The following CTSB variants were observed in gnomAD, a reference collection of about 807,000 sequenced individuals.
The protein encoded by CTSB is cathepsin B.
In CTSB, 57 loss-of-function variants were observed where a neutral mutation model predicts 44.3. That is an observed-to-expected ratio of 1.29 (90% CI 1.04 to 1.60). The LOEUF (loss-of-function observed/expected upper bound fraction) is 1.60. CTSB is among the 40% of genes most tolerant of loss of function. The probability of loss-of-function intolerance (pLI) is 0.00; values close to 1 mark genes in which losing one functional copy is unlikely to be tolerated. For missense variants in CTSB, 768 were observed against 443.0 expected (o/e 1.73, Z -6.59); for synonymous variants, 320 against 168.0 (o/e 1.91, Z -7.00).
At chr8:11,865,109 A>G (rs1197293120) in intron 1 of CTSB, among the ~76,000 whole-genome samples, 1 of 152,184 alleles carries the variant, frequency 6.6e-6, no homozygotes, top group Non-Finnish European at 1.5e-5. Flanking sequence ...TCCCAGAGGC[A>G]CAGCACATCT....
rs12338 is a variant in CTSB at position 11,853,379 on chromosome 8, G to T, written c.76C>A (p.Leu26Met). ...NARSRPSFHP[L>M]SDELVNYVNK... is the part of the protein sequence containing the mutation. ...ACATAGTTGACCAGCTCATCCGACA[G>T]GGGATGGAAAGAGGGCCTGCTCCGG... Residue 26 changes from leucine to methionine, a missense_variant, in exon 2 of 10, where the codon CTG becomes ATG. Leu to Met is a conservative substitution (Grantham distance 15). Transcript: ENST00000353047. The T allele has an allele frequency of 2.2e-5, 35 of 1,611,966 alleles. No homozygotes were observed. The Admixed American group carries it at 2.8e-4, about 13-fold the overall frequency.
intron 2 of CTSB, 23 bp from the exon 3 acceptor site, chr8:11,852,718 C>T: frequency 6.2e-7 from 1 of 1,609,684 alleles, no homozygotes; most frequent in Non-Finnish European, 8.5e-7. Flanking sequence ...CACCCACTGA[C>T]TGAAGGGTCT....
chr8:11,864,198 G>A (rs913887527), intron 1 of CTSB, among the ~76,000 whole-genome samples: 3 of 151,808 alleles, frequency 2.0e-5, no homozygotes, highest in African/African-American at 7.3e-5. Flanking sequence ...AGGCCTGGAG[G>A]TGACTCATGC....
intron 8 of CTSB, among the ~76,000 whole-genome samples, chr8:11,846,787 G>T (rs1692813): frequency 0.22 from 32,818 of 152,040 alleles, 3,788 homozygotes; most frequent in Middle Eastern, 0.27. Context: ...TGAGCTGGAC[G>T]CTAATGGATG....
intron 3 of CTSB, among the ~76,000 whole-genome samples, chr8:11,851,933 C>A (rs1814659340): frequency 6.6e-6 from 1 of 152,206 alleles, no homozygotes; most frequent in South Asian, 2.1e-4. Context: ...TCCCAAAGTG[C>A]TGGGATTACA....
intron 3 of CTSB, among the ~76,000 whole-genome samples, chr8:11,852,266 G>A (rs376506039): frequency 6.6e-6 from 1 of 152,104 alleles, no homozygotes; most frequent in African/African-American, 2.4e-5. Flanking sequence ...AGCTACTCAG[G>A]AGGCTGTGGC....
At chr8:11,852,736 T>C (rs1477723478) in intron 2 of CTSB, 41 bp from the exon 3 acceptor site, 50 of 1,565,918 alleles carry the variant, frequency 3.2e-5, no homozygotes, top group Non-Finnish European at 3.9e-5. Context: ...TCTCCCGGGA[T>C]GGCGGTGGAT....
At chr8:11,846,359 A>G (rs566054387) in intron 8 of CTSB, 2 of 152,406 alleles carry the variant, frequency 1.3e-5, no homozygotes, top group East Asian at 3.9e-4. Flanking sequence ...CTATGCTAAG[A>G]AGTGCCATCT....
At position 11,848,165 on chromosome 8, in the gene CTSB, C is replaced by T; in HGVS notation, c.447-13G>A. ...GCCACCATTACAGCTGAAAAGACAG[C>T]CTCTAATGAAAACCTCTGAGAGAAG... On this transcript the variant is annotated splice_polypyrimidine_tract_variant and intron_variant, in intron 5 of 9. Transcript: ENST00000353047. 1.2e-6 allele frequency: 2 copies of T among 1,611,948 alleles called. No individual in the cohort carries two copies. Among genetic ancestry groups the T allele is most frequent in the Non-Finnish European group, 1.7e-6 (2 of 1,178,002 alleles).
At chr8:11,851,226 G>C (rs1440807357) in intron 3 of CTSB, among the ~76,000 whole-genome samples, 1 of 152,086 alleles carries the variant, frequency 6.6e-6, no homozygotes, top group African/African-American at 2.4e-5. Context: ...ATTTCACTGT[G>C]TCATCCAGGC....
chr8:11,855,986 C>G (rs972162594), intron 1 of CTSB, among the ~76,000 whole-genome samples: 1 of 152,062 alleles, frequency 6.6e-6, no homozygotes, highest in Non-Finnish European at 1.5e-5. Flanking sequence ...CAAGATTTCA[C>G]CACTGCATTC....
At chr8:11,866,369 G>A (rs910676492) in intron 1 of CTSB, among the ~76,000 whole-genome samples, 1 of 152,244 alleles carries the variant, frequency 6.6e-6, no homozygotes, top group Admixed American at 6.5e-5. Flanking sequence ...TGCCAGGGCC[G>A]TGTCTGGCCT....
chr8:11,846,486 G>T (rs1330656138), intron 8 of CTSB: 3 of 152,714 alleles, frequency 2.0e-5, no homozygotes, highest in Non-Finnish European at 4.4e-5. Context: ...TGTTCATCTG[G>T]AGCAAGGGAT....
intron 1 of CTSB, 38 bp from the exon 2 acceptor site, chr8:11,853,517 AT>A: frequency 6.4e-7 from 1 of 1,569,400 alleles, no homozygotes; most frequent in Non-Finnish European, 8.6e-7. Flanking sequence ...CCTCTCTGTT[AT>A]GTGGGTCGAG....
At chr8:11,862,487 G>A (rs570496764) in intron 1 of CTSB, 1 of 152,328 alleles carries the variant, frequency 6.6e-6, no homozygotes, top group Non-Finnish European at 1.5e-5. Flanking sequence ...TCCTAATTTG[G>A]ATGAAAAATA....
At chr8:11,853,274 T>A in intron 2 of CTSB, 55 bp downstream of exon 2, 1 of 1,600,258 alleles carries the variant, frequency 6.2e-7, no homozygotes, top group South Asian at 1.1e-5. Flanking sequence ...CTGGAGTCAG[T>A]GTGCACAGAC....
rs1280748568 is a variant in CTSB at position 11,845,674 on chromosome 8, G to A, written c.909C>T (p.Asp303=). 3 of 1,613,414 alleles carry A rather than the reference G, an allele frequency of 1.9e-6. No individual in the cohort carries two copies. Among genetic ancestry groups the A allele is most frequent in the East Asian group, 2.2e-5 (1 of 44,874 alleles). Residue 303 remains aspartate, a synonymous_variant, in exon 9 of 10, where the codon GAC becomes GAT. Transcript: ENST00000353047. ...YWLVANSWNT[D]WGDNGFFKIL... ...GCAGCCACTCACCATTGTCACCCCA[G>A]TCAGTGTTCCAGGAGTTGGCAACCA...
At chr8:11,855,121 C>T (rs1815296762) in intron 1 of CTSB, among the ~76,000 whole-genome samples, 1 of 152,160 alleles carries the variant, frequency 6.6e-6, no homozygotes, top group Non-Finnish European at 1.5e-5. Flanking sequence ...CTCCTGGGTT[C>T]AAGCTATTCT....
Position 11,864,063 on chromosome 8 carries a change from TG to T in CTSB, c.-26+3937del, listed in dbSNP as rs541907619. ...GCACTTAACACAAATGGACTAGAACTGGATGTAGCAACAGAAATAAATCTCA... is the reference window on the plus strand; with the variant it reads ...GCACTTAACACAAATGGACTAGAACTGATGTAGCAACAGAAATAAATCTCA... On this transcript the variant is annotated intron_variant, in intron 1 of 9. Transcript: ENST00000353047. Among the ~76,000 whole-genome samples, 10 of 152,248 alleles carry T rather than the reference TG, an allele frequency of 6.6e-5. No individual in the cohort carries two copies. The East Asian group carries it at 1.5e-3, about 23-fold the overall frequency.
Sources: allele counts gnomAD v4.1 joint callset (sites outside exome capture counted in the v4.1 genomes callset), GRCh38; gene constraint gnomAD v4.1.1; transcripts MANE v1.5; gene names NCBI Gene and HGNC (gene_info 2026-07-23, HGNC 2026-07-21).